The following PGR variants were observed in gnomAD, a reference collection of about 807,000 sequenced individuals.
The protein encoded by PGR is progesterone receptor.
A neutral mutation model predicts 76.1 loss-of-function variants in PGR; 25 were observed. The observed-to-expected ratio is 0.33, with a 90% CI of 0.24 to 0.46. The LOEUF (loss-of-function observed/expected upper bound fraction) is 0.46. PGR is among the 20% of genes least tolerant of loss of function. The pLI is 1.00. For missense variants in PGR, 1,172 were observed against 1,225.3 expected (o/e 0.96, Z 0.65); for synonymous variants, 579 against 535.0 (o/e 1.08, Z -1.14).
chr11:101,113,755 C>T (rs774838169), intron 2 of PGR, among the ~76,000 whole-genome samples: 17 of 152,112 alleles, frequency 1.1e-4, no homozygotes, highest in Non-Finnish European at 1.8e-4. Context: ...TCAGGCACTA[C>T]CAGCCTAGGG....
chr11:101,095,020 C>G (rs1861793207), intron 2 of PGR, among the ~76,000 whole-genome samples: 1 of 152,204 alleles, frequency 6.6e-6, no homozygotes, highest in African/African-American at 2.4e-5. Flanking sequence ...TGATCTTGGA[C>G]TTCTCAGCCT....
At chr11:101,121,047 C>A (rs495189) in intron 2 of PGR, among the ~76,000 whole-genome samples, 87,015 of 151,900 alleles carry the variant, frequency 0.57, 25,676 homozygotes, top group Non-Finnish European at 0.64. Flanking sequence ...TCAATGAACC[C>A]TAATGTAAAG....
chr11:101,047,567 TCTCCTGCCCTTCC>T (rs1444687674), intron 6 of PGR, among the ~76,000 whole-genome samples: 3 of 152,122 alleles, frequency 2.0e-5, no homozygotes, highest in African/African-American at 7.2e-5. Flanking sequence ...AGGGTTTATC[TCTCCTGCCCTTCC>T]CTCCTGATCT....
rs144254250 is a variant in PGR at position 101,042,051 on chromosome 11, C to G, written c.2540G>C (p.Ser847Thr). The G allele has an allele frequency of 1.9e-6, 3 of 1,613,506 alleles. No homozygotes were observed. The East Asian group carries it at 6.7e-5, about 36-fold the overall frequency. Residue 847 changes from serine (S) to threonine (T), a missense_variant, in exon 7 of 8, where the codon AGC becomes ACC. Physicochemically the swap from Ser to Thr is moderately conservative, Grantham distance 58. Coordinates refer to ENST00000325455, the MANE Select transcript of PGR (RefSeq NM_000926.4). ...SQTQFEEMRS[S>T]YIRELIKAIG... Reference sequence around the variant, plus strand: ...TGCCTTGATGAGCTCTCTAATGTAGCTTGACCTCATCTCCTCAAACTGGGT... The same window carrying G: ...TGCCTTGATGAGCTCTCTAATGTAGGTTGACCTCATCTCCTCAAACTGGGT...
chr11:101,123,583 T>G (rs1862745379), intron 2 of PGR, among the ~76,000 whole-genome samples: 1 of 152,228 alleles, frequency 6.6e-6, no homozygotes, highest in African/African-American at 2.4e-5. Flanking sequence ...GCTTAGTCAG[T>G]GTAATCTTAA....
At chr11:101,071,908 G>A (rs1201969627) in intron 3 of PGR, among the ~76,000 whole-genome samples, 2 of 152,108 alleles carry the variant, frequency 1.3e-5, no homozygotes, top group African/African-American at 4.8e-5. Context: ...CACTCTTCGG[G>A]ATAGTATCCA....
At chr11:101,124,777 G>A (rs184247706) in intron 2 of PGR, among the ~76,000 whole-genome samples, 1 of 152,206 alleles carries the variant, frequency 6.6e-6, no homozygotes, top group East Asian at 1.9e-4. Flanking sequence ...GCCACTATCA[G>A]TTGCCCTATT....
At chr11:101,089,875 A>C (rs940053270) in intron 3 of PGR, among the ~76,000 whole-genome samples, 3 of 152,206 alleles carry the variant, frequency 2.0e-5, no homozygotes, top group African/African-American at 7.2e-5. Flanking sequence ...CAGTTTGGTT[A>C]GAGAAGATAA....
At chr11:101,090,624 C>T (rs1218251423) in intron 3 of PGR, among the ~76,000 whole-genome samples, 1 of 152,222 alleles carries the variant, frequency 6.6e-6, no homozygotes, top group Admixed American at 6.5e-5. Flanking sequence ...CAATTTTAAT[C>T]TGCTGAGGTT....
At chr11:101,043,409 A>G (rs1222361090) in intron 6 of PGR, among the ~76,000 whole-genome samples, 3 of 152,156 alleles carry the variant, frequency 2.0e-5, no homozygotes, top group Admixed American at 6.5e-5. Flanking sequence ...ATCTGTAGTT[A>G]TTTCCTCCAC....
chr11:101,045,203 G>A (rs1859829288), intron 6 of PGR, among the ~76,000 whole-genome samples: 1 of 152,108 alleles, frequency 6.6e-6, no homozygotes, highest in Non-Finnish European at 1.5e-5. Flanking sequence ...TGTATATAAA[G>A]GAGACTCTGA....
At chr11:101,108,461 C>T (rs1862245642) in intron 2 of PGR, among the ~76,000 whole-genome samples, 1 of 152,032 alleles carries the variant, frequency 6.6e-6, no homozygotes, top group African/African-American at 2.4e-5. Flanking sequence ...CACTGCACTC[C>T]AGCCTGTCTC....
chr11:101,033,388 A>G lies in PGR; in HGVS notation c.*5728T>C, dbSNP rs2135367801. The G allele has an allele frequency of 1.0e-5, 2 of 194,866 alleles. No homozygotes were observed. Among genetic ancestry groups the G allele is most frequent in the Non-Finnish European group, 2.1e-5 (2 of 93,492 alleles). The allele number at this position is 194,866 out of a possible 1,614,324, so 12.1% of individuals were successfully genotyped here. A position where few individuals can be genotyped will look rare whatever the true frequency, so the allele number is the denominator to read the frequency against. On this transcript the variant is annotated 3_prime_UTR_variant, in exon 8 of 8. Transcript: ENST00000325455. ...TTCTCATGAATTTTAAAGCCCTTAG[A>G]AAAAGATAACTTAATTGTATGTAAT...
intron 3 of PGR, among the ~76,000 whole-genome samples, chr11:101,070,756 A>G (rs1242058772): frequency 6.6e-6 from 1 of 152,198 alleles, no homozygotes; most frequent in Non-Finnish European, 1.5e-5. Context: ...AAGCTGCTGT[A>G]GCCAGACTGC....
chr11:101,047,181 GT>G (rs1469416915), intron 6 of PGR, among the ~76,000 whole-genome samples: 1 of 152,108 alleles, frequency 6.6e-6, no homozygotes, highest in Non-Finnish European at 1.5e-5. Context: ...GATCGCCTAA[GT>G]TTCTAAGTGA....
rs1255934976 is a variant in PGR, at chr11:101,127,575, G to A, written c.1496C>T (p.Ser499Phe). ...LLPRDGLPST[S>F]ASAAAAGAAP... ...CGCCCCGGCGGCGGCGGCAGAGGCG[G>A]AGGTGGAGGGCAGGCCGTCCCGCGG... The change falls in exon 1 of 8, where the codon TCC (serine) becomes TTC (phenylalanine). Residue 499 changes from serine to phenylalanine, a missense_variant. Transcript: ENST00000325455. The A allele has an allele frequency of 1.5e-6, 2 of 1,363,054 alleles. No homozygotes were observed. Among genetic ancestry groups the A allele is most frequent in the Non-Finnish European group, 1.9e-6 (2 of 1,060,066 alleles). 84.4% of individuals were successfully genotyped at this position (1,363,054 alleles called of 1,614,324 possible).
At chr11:101,083,695 C>A (rs1861392136) in intron 3 of PGR, among the ~76,000 whole-genome samples, 1 of 152,060 alleles carries the variant, frequency 6.6e-6, no homozygotes, top group Non-Finnish European at 1.5e-5. Flanking sequence ...TTGCTTGGGG[C>A]CTGTATCTCC....
In PGR at chr11:101,129,020, G is replaced by A; in HGVS notation, c.51C>T (p.Gly17=). ...KGPRAPHVAG[G]PPSPEVGSPL... The stretch of plus-strand genomic sequence containing the variant: ...GGGATCCGACCTCGGGGGAGGGCGG[G>A]CCGCCCGCCACGTGGGGAGCCCGGG... The change falls in exon 1 of 8, where the codon GGC becomes GGT. Residue 17 remains glycine (G), a synonymous_variant. Coordinates refer to ENST00000325455, the MANE Select transcript of PGR (RefSeq NM_000926.4). 1 of 1,566,668 alleles carries A rather than the reference G, an allele frequency of 6.4e-7. No homozygotes were observed. Among genetic ancestry groups the A allele is most frequent in the Admixed American group, 1.9e-5 (1 of 53,584 alleles).
rs1317709876 is a variant in PGR at position 101,033,244 on chromosome 11, C to A, written c.*5872G>T. ...CTAATCATAGCAAATTCAGGGCTTACTAGTTTAGGCAAATTCTGGAAAGTA... is the reference window on the plus strand; with the variant it reads ...CTAATCATAGCAAATTCAGGGCTTAATAGTTTAGGCAAATTCTGGAAAGTA... On this transcript the variant is annotated 3_prime_UTR_variant, in exon 8 of 8. Transcript: ENST00000325455. The A allele has an allele frequency of 6.3e-5, 13 of 207,264 alleles. 1 individual carries two copies. The highest frequency in any genetic ancestry group is 1.8e-4 in the Admixed American group (3 of 16,868). 12.8% of individuals were successfully genotyped at this position (207,264 alleles called of 1,614,324 possible).
Sources: allele counts gnomAD v4.1 joint callset (sites outside exome capture counted in the v4.1 genomes callset), GRCh38; gene constraint gnomAD v4.1.1; transcripts MANE v1.5; gene names NCBI Gene and HGNC (gene_info 2026-07-23, HGNC 2026-07-21).